CACNA2D3: variants seen among roughly 807,000 people sequenced by gnomAD.
CACNA2D3 encodes voltage-dependent calcium channel subunit alpha-2/delta-3.
A neutral mutation model predicts 160.6 loss-of-function variants in CACNA2D3; 60 were observed. The ratio of observed to expected loss-of-function variants is 0.37; its 90% CI spans 0.30 to 0.46. The LOEUF (loss-of-function observed/expected upper bound fraction) is 0.46. Ranked by LOEUF, CACNA2D3 falls within the 20% of genes least tolerant of loss-of-function variation. The pLI is 1.00. For missense variants in CACNA2D3, 1,205 were observed against 1,365.0 expected (o/e 0.88, Z 1.85); for synonymous variants, 558 against 492.9 (o/e 1.13, Z -1.75).
chr3:54,430,026 T>C (rs764255810), intron 4 of CACNA2D3, among the ~76,000 whole-genome samples: 5 of 152,176 alleles, frequency 3.3e-5, no homozygotes, highest in Non-Finnish European at 5.9e-5. Context: ...ATATTGGAGA[T>C]GGAAATTGGA....
intron 4 of CACNA2D3, among the ~76,000 whole-genome samples, chr3:54,400,630 C>T (rs997914193): frequency 2.6e-5 from 4 of 152,180 alleles, no homozygotes; most frequent in African/African-American, 9.6e-5. Context: ...ACAGTCATTT[C>T]TGACATTGAT....
chr3:54,641,813 G>T (rs1049883032), intron 10 of CACNA2D3, among the ~76,000 whole-genome samples: 1 of 152,186 alleles, frequency 6.6e-6, no homozygotes, highest in Non-Finnish European at 1.5e-5. Context: ...AACCAGGTAT[G>T]TCTGACCCTT....
intron 2 of CACNA2D3, among the ~76,000 whole-genome samples, chr3:54,201,112 CA>C (rs940751427): frequency 1.0e-3 from 156 of 152,250 alleles, no homozygotes; most frequent in African/African-American, 3.5e-3. Context: ...CATAGTACAG[CA>C]AAACGAATGT....
At chr3:54,913,377 G>C (rs1461214687) in intron 27 of CACNA2D3, among the ~76,000 whole-genome samples, 1 of 152,080 alleles carries the variant, frequency 6.6e-6, no homozygotes, top group East Asian at 1.9e-4. Context: ...CGTGGCCCTC[G>C]TAACTTTCTC....
chr3:55,063,548 C>G (rs111681606), intron 35 of CACNA2D3, among the ~76,000 whole-genome samples: 4,367 of 152,248 alleles, frequency 0.029, 95 homozygotes, highest in Non-Finnish European at 0.049. Flanking sequence ...AGAGCTCCAT[C>G]TGGGTCTCAG....
At chr3:54,383,889 G>A (rs1699145808) in intron 3 of CACNA2D3, among the ~76,000 whole-genome samples, 1 of 152,166 alleles carries the variant, frequency 6.6e-6, no homozygotes. Context: ...TTGTATTGCA[G>A]TGTTTATGGT....
intron 5 of CACNA2D3, among the ~76,000 whole-genome samples, chr3:54,555,686 C>G (rs1380824987): frequency 6.6e-6 from 1 of 152,094 alleles, no homozygotes; most frequent in African/African-American, 2.4e-5. Context: ...TTGACTGGCA[C>G]TGGGGGTAAT....
chr3:54,557,317 T>G (rs1008219932), intron 5 of CACNA2D3, among the ~76,000 whole-genome samples: 1 of 152,200 alleles, frequency 6.6e-6, no homozygotes, highest in African/African-American at 2.4e-5. Context: ...TAGAGCAAGA[T>G]ATGGTGTCCA....
intron 13 of CACNA2D3, among the ~76,000 whole-genome samples, chr3:54,790,034 G>A (rs935881989): frequency 1.3e-5 from 2 of 152,130 alleles, no homozygotes; most frequent in South Asian, 2.1e-4. Context: ...TTCCTACTTA[G>A]GTATTTATGT....
At chr3:54,171,136 C>CCT (rs1289627450) in intron 2 of CACNA2D3, among the ~76,000 whole-genome samples, 83 of 62,558 alleles carry the variant, frequency 1.3e-3, no homozygotes, top group African/African-American at 4.5e-3. Flanking sequence ...AAGATGATGA[C>CCT]TTTTTTTTTT....
rs145769481 is a variant in CACNA2D3, at chr3:54,403,614, C to T, written c.381+16840C>T. 7.3e-4 allele frequency among the ~76,000 whole-genome samples: 111 copies of T among 151,942 alleles called. 1 individual carries two copies. Among genetic ancestry groups the T allele is most frequent in the African/African-American group, 2.6e-3 (107 of 41,448 alleles). ...ACTAGAAAAAGAAGAACAAGTTAAA[C>T]CCAAAGTTAACAGAAGGAAGGAAAT... On this transcript the variant is annotated intron_variant, in intron 4 of 37. Coordinates refer to ENST00000474759, the MANE Select transcript of CACNA2D3 (RefSeq NM_018398.3).
rs1007461872 is a variant in CACNA2D3, at chr3:54,831,122, T to G, written c.1399-6037T>G. ...TGATATTTGATGAGAGTTAGTGGAT[T>G]AGCTTTTGTTCTTGACTTGGAGCCA... On this transcript the variant is annotated intron_variant, in intron 14 of 37. Coordinates refer to ENST00000474759, the MANE Select transcript of CACNA2D3 (RefSeq NM_018398.3). Among the ~76,000 whole-genome samples the G allele has an allele frequency of 4.6e-5, 7 of 152,332 alleles. No homozygotes were observed. The South Asian group carries it at 6.2e-4, about 14-fold the overall frequency.
intron 30 of CACNA2D3, 40 bp from the exon 31 acceptor site, chr3:54,987,643 T>C: frequency 7.4e-7 from 1 of 1,343,562 alleles, no homozygotes; most frequent in Non-Finnish European, 1.0e-6. Context: ...TTTGGGCACA[T>C]TATTTATCTA....
intron 5 of CACNA2D3, among the ~76,000 whole-genome samples, chr3:54,555,072 C>T (rs1168794789): frequency 1.3e-5 from 2 of 152,102 alleles, no homozygotes; most frequent in East Asian, 1.9e-4. Context: ...GATGGAGTTT[C>T]GCCATGTTGG....
intron 2 of CACNA2D3, among the ~76,000 whole-genome samples, chr3:54,305,104 A>G (rs540553900): frequency 6.6e-5 from 10 of 152,358 alleles, no homozygotes; most frequent in African/African-American, 2.4e-4. Flanking sequence ...TGGGTTGTTT[A>G]ATTCATGTCT....
intron 34 of CACNA2D3, among the ~76,000 whole-genome samples, chr3:55,012,286 T>C (rs1703227571): frequency 2.0e-5 from 3 of 152,096 alleles, no homozygotes. Flanking sequence ...TGGGCGCTCA[T>C]GCTTTGGGTG....
chr3:54,481,682 A>G (rs963637498), intron 4 of CACNA2D3, among the ~76,000 whole-genome samples: 7 of 152,160 alleles, frequency 4.6e-5, no homozygotes, highest in Admixed American at 3.3e-4. Flanking sequence ...ACTACAGGCA[A>G]CTCTATCACT....
chr3:54,285,652 C>A (rs946309697), intron 2 of CACNA2D3, among the ~76,000 whole-genome samples: 3 of 152,234 alleles, frequency 2.0e-5, no homozygotes, highest in African/African-American at 7.2e-5. Context: ...TCCCTGACCC[C>A]CGAGCAGCCT....
At chr3:54,522,566 T>C (rs1701661560) in intron 5 of CACNA2D3, among the ~76,000 whole-genome samples, 1 of 152,204 alleles carries the variant, frequency 6.6e-6, no homozygotes, top group African/African-American at 2.4e-5. Context: ...GAGTAATTTA[T>C]ATTGAACAGA....
Sources: allele counts gnomAD v4.1 joint callset (sites outside exome capture counted in the v4.1 genomes callset), GRCh38; gene constraint gnomAD v4.1.1; transcripts MANE v1.5; gene names NCBI Gene and HGNC (gene_info 2026-07-23, HGNC 2026-07-21).